MAL: variants seen among roughly 807,000 people sequenced by gnomAD.
MAL encodes myelin and lymphocyte protein.
A neutral mutation model predicts 16.7 loss-of-function variants in MAL; 5 were observed. The ratio of observed to expected loss-of-function variants is 0.30; its 90% CI spans 0.16 to 0.63. The LOEUF (loss-of-function observed/expected upper bound fraction) is 0.63. Ranked by LOEUF, MAL falls within the 30% of genes least tolerant of loss-of-function variation. The pLI is 0.82. For synonymous variants in MAL, 96 were observed against 85.5 expected (o/e 1.12, Z -0.67); for missense variants, 202 against 195.8 (o/e 1.03, Z -0.19).
intron 1 of MAL, among the ~76,000 whole-genome samples, chr2:95,039,300 CTG>C: frequency 1.3e-5 from 1 of 74,606 alleles, no homozygotes; most frequent in South Asian, 4.6e-4. Context: ...GACTGAGTGA[CTG>C]AGTGGGTGAG....
At chr2:95,045,974 C>T (rs536537917) in intron 1 of MAL, among the ~76,000 whole-genome samples, 2 of 152,338 alleles carry the variant, frequency 1.3e-5, no homozygotes, top group African/African-American at 4.8e-5. Context: ...TGCCACGTGC[C>T]TTCAGGCAAC....
At chr2:95,033,469 T>G (rs1274123682) in intron 1 of MAL, among the ~76,000 whole-genome samples, 1 of 151,676 alleles carries the variant, frequency 6.6e-6, no homozygotes, top group Admixed American at 6.6e-5. Context: ...AAAGACTAAG[T>G]GGTTATTCGC....
chr2:95,039,700 GTGAC>G (rs1674395745), intron 1 of MAL, among the ~76,000 whole-genome samples: 2 of 142,018 alleles, frequency 1.4e-5, no homozygotes, highest in South Asian at 4.9e-4. Context: ...GAGTGACTGA[GTGAC>G]TGAGTGAGGA....
Position 95,039,348 on chromosome 2 carries a change from GTGAC to G in MAL, c.94-8595_94-8592del, listed in dbSNP as rs1410163557. ...AGTGACTGAGTGAGTGAGTGAGTGA[GTGAC>G]TGACTGACTGACTGAGTAACTGAGT... is the stretch of plus-strand genomic sequence containing the variant. On this transcript the variant is annotated intron_variant, in intron 1 of 3. Transcript: ENST00000309988. Among the ~76,000 whole-genome samples the G allele has an allele frequency of 4.5e-3, 671 of 148,676 alleles. 15 individuals are homozygous for G. The highest frequency in any genetic ancestry group is 0.031 in the East Asian group (152 of 4,846).
At position 95,034,316 on chromosome 2, in the gene MAL, C is replaced by G. The variant is rs146587240; in HGVS notation, c.93+8431C>G. 1.7e-4 allele frequency among the ~76,000 whole-genome samples: 26 copies of G among 152,264 alleles called. No individual in the cohort carries two copies. The East Asian group carries it at 4.8e-3, about 28-fold the overall frequency. ...TCAGCTAAGAGCTTGATGGAGCAGC[C>G]AAGGGGTGGAGGACAGTGTGGCAGC... On this transcript the variant is annotated intron_variant, in intron 1 of 3. Coordinates refer to ENST00000309988, the MANE Select transcript of MAL (RefSeq NM_002371.4).
intron 1 of MAL, among the ~76,000 whole-genome samples, chr2:95,034,835 G>A (rs1008669614): frequency 3.9e-5 from 6 of 152,090 alleles, no homozygotes; most frequent in South Asian, 2.1e-4. Context: ...CCCCTCCACC[G>A]GGAAGCCCAC....
Position 95,025,789 on chromosome 2 carries a change from CG to C in MAL, c.-3del. On this transcript the variant is annotated 5_prime_UTR_variant, in exon 1 of 4. Coordinates refer to ENST00000309988, the MANE Select transcript of MAL (RefSeq NM_002371.4). The surrounding 1 kb of genome is among the most constrained non-coding windows in gnomAD (Gnocchi z 5.6). ...CGTCCCAAGGCCGACGCCAGCACGC[CG>C]TCATGGCCCCCGCAGCGGCGACGGG... is the stretch of plus-strand genomic sequence containing the variant. 1 of 1,540,286 alleles carries C rather than the reference CG, an allele frequency of 6.5e-7. No homozygotes were observed. The highest frequency in any genetic ancestry group is 8.8e-7 in the Non-Finnish European group (1 of 1,142,530).
intron 1 of MAL, among the ~76,000 whole-genome samples, chr2:95,034,456 T>C (rs1218597165): frequency 6.6e-6 from 1 of 152,212 alleles, no homozygotes; most frequent in Non-Finnish European, 1.5e-5. Flanking sequence ...GTGTGACACA[T>C]AGCTACATCT....
intron 1 of MAL, among the ~76,000 whole-genome samples, chr2:95,043,351 T>TG (rs112106393): frequency 6.6e-6 from 1 of 152,268 alleles, no homozygotes; most frequent in African/African-American, 2.4e-5. Flanking sequence ...TTGGTAGTGC[T>TG]GGGCTCAGTG....
intron 1 of MAL, among the ~76,000 whole-genome samples, chr2:95,033,060 T>G (rs573095156): frequency 6.6e-6 from 1 of 152,112 alleles, no homozygotes; most frequent in South Asian, 2.1e-4. Flanking sequence ...CTCCAGTCCC[T>G]GTGAGAATGC....
intron 1 of MAL, among the ~76,000 whole-genome samples, chr2:95,041,878 GT>G (rs1389484585): frequency 6.6e-5 from 10 of 151,850 alleles, no homozygotes; most frequent in African/African-American, 2.4e-4. Flanking sequence ...GAAACTTTTT[GT>G]CCAGTTTTGT....
chr2:95,047,900 C>G, intron 1 of MAL, 59 bp from the exon 2 acceptor site: 1 of 1,544,272 alleles, frequency 6.5e-7, no homozygotes, highest in Non-Finnish European at 8.8e-7. Flanking sequence ...TGGTCGGGGG[C>G]CCTTCCTGGG....
At chr2:95,026,631 A>C (rs1233799257) in intron 1 of MAL, 1 of 151,972 alleles carries the variant, frequency 6.6e-6, no homozygotes, top group Non-Finnish European at 1.5e-5. Flanking sequence ...CTGAGGCTGC[A>C]GGAAAGCGCT....
intron 1 of MAL, among the ~76,000 whole-genome samples, chr2:95,036,016 A>G (rs1674196635): frequency 6.6e-6 from 1 of 152,114 alleles, no homozygotes; most frequent in South Asian, 2.1e-4. Context: ...CTTCTTCACA[A>G]ACTGATCCAA....
At chr2:95,045,561 G>A (rs778877319) in intron 1 of MAL, among the ~76,000 whole-genome samples, 27 of 152,250 alleles carry the variant, frequency 1.8e-4, no homozygotes, top group Admixed American at 3.9e-4. Flanking sequence ...TTTGTGCTGA[G>A]TGCTACAGAG....
intron 1 of MAL, among the ~76,000 whole-genome samples, chr2:95,034,652 G>C (rs1674164373): frequency 6.6e-6 from 1 of 152,126 alleles, no homozygotes; most frequent in Admixed American, 6.5e-5. Flanking sequence ...TTGGCAGGAG[G>C]GCATAGTTGG....
At chr2:95,040,323 A>G (rs1033524165) in intron 1 of MAL, among the ~76,000 whole-genome samples, 3 of 152,268 alleles carry the variant, frequency 2.0e-5, no homozygotes, top group African/African-American at 7.2e-5. Context: ...ACACATGCAT[A>G]CAGAGAAGTA....
intron 1 of MAL, among the ~76,000 whole-genome samples, chr2:95,042,157 C>T (rs952450961): frequency 6.6e-6 from 1 of 152,130 alleles, no homozygotes; most frequent in Non-Finnish European, 1.5e-5. Flanking sequence ...GGAGAGGAAA[C>T]ACTAGGGCGA....
intron 1 of MAL, among the ~76,000 whole-genome samples, chr2:95,041,024 A>G (rs746096540): frequency 6.6e-6 from 1 of 152,136 alleles, no homozygotes; most frequent in Non-Finnish European, 1.5e-5. Context: ...TCATGTCTTG[A>G]TGTGTCCTTG....
Sources: gnomAD v4.1 joint callset for allele counts (sites outside exome capture counted in the v4.1 genomes callset) on GRCh38, gnomAD v4.1.1 for gene constraint, Gnocchi (gnomAD v3.1) non-coding constraint, MANE v1.5 for transcripts, NCBI Gene and HGNC (gene_info 2026-07-23, HGNC 2026-07-21) for gene names.